Variants in REPIN1 observed in about 807,000 individuals in gnomAD.
The protein encoded by REPIN1 is replication initiator 1.
REPIN1 carries 4 observed loss-of-function variants against 5.7 expected under a neutral mutation model. The observed-to-expected ratio is 0.71, with a 90% CI of 0.35 to 1.62. The LOEUF (loss-of-function observed/expected upper bound fraction) is 1.62. Ranked by LOEUF, REPIN1 falls within the 40% of genes most tolerant of loss-of-function variation. The pLI is 0.05. For missense variants in REPIN1, 854 were observed against 901.0 expected (o/e 0.95, Z 0.67); for synonymous variants, 410 against 386.2 (o/e 1.06, Z -0.72).
chr7:150,369,996 G>T, intron 2 of REPIN1, 128 bp downstream of exon 2: 1 of 1,099,242 alleles, frequency 9.1e-7, no homozygotes. Context: ...GTCTGACACT[G>T]GGAATGAGTG....
chr7:150,373,391 T>C lies in REPIN1; in HGVS notation c.*446T>C, dbSNP rs551884072. 1 of 188,256 alleles carries C rather than the reference T, an allele frequency of 5.3e-6. No homozygotes were observed. Among genetic ancestry groups the C allele is most frequent in the South Asian group, 1.3e-4 (1 of 7,670 alleles). The allele number at this position is 188,256 out of a possible 1,614,324, so 11.7% of individuals were successfully genotyped here. ...CTGTAAATGAATGCTCTGGGCTAGATACAGCTTGGAGAACCTGCTGGCCTT... is the reference window on the plus strand; with the variant it reads ...CTGTAAATGAATGCTCTGGGCTAGACACAGCTTGGAGAACCTGCTGGCCTT... On this transcript the variant is annotated 3_prime_UTR_variant, in exon 3 of 3. Transcript: ENST00000489432.
upstream of REPIN1, chr7:150,368,288 T>G (rs1056429125): frequency 6.6e-6 from 1 of 152,160 alleles, no homozygotes; most frequent in African/African-American, 2.4e-5. Flanking sequence ...GTGCTCCACT[T>G]TGGAACAAAT....
In REPIN1 at chr7:150,371,512, G is replaced by A. The variant is rs760774855; in HGVS notation, c.442G>A (p.Gly148Ser). Residue 148 changes from glycine (G) to serine (S), a missense_variant, in exon 3 of 3, where the codon GGC becomes AGC. Physicochemically the swap from Gly to Ser is moderately conservative, Grantham distance 56 (BLOSUM62 0). Transcript: ENST00000489432. The part of the protein sequence containing the change: ...ARLPLPCPEC[G>S]RRFRHAPFLA... ...GCTGCCCTTGCCCTGCCCTGAGTGT[G>A]GCCGTCGCTTTCGCCATGCCCCCTT... 2 of 1,606,448 alleles carry A rather than the reference G, an allele frequency of 1.2e-6. No individual in the cohort carries two copies. The highest frequency in any genetic ancestry group is 1.7e-6 in the Non-Finnish European group (2 of 1,179,706).
rs773876391 is a variant in REPIN1, at chr7:150,369,723, G to A, written c.12G>A (p.Gly4=). ...GTCTGAGCTCTGCCATGGGGATAGG[G>A]GTGTCTTTATTACTGCAGTTTTCTC... MGI[G]VSLLLQFSLT... The change falls in exon 2 of 3, where the codon GGG becomes GGA. Residue 4 remains glycine (G), a synonymous_variant. Coordinates refer to ENST00000489432, the MANE Select transcript of REPIN1 (RefSeq NM_001099695.2). The A allele has an allele frequency of 8.1e-6, 13 of 1,613,840 alleles. No homozygotes were observed. Among genetic ancestry groups the A allele is most frequent in the Non-Finnish European group, 1.1e-5 (13 of 1,179,870 alleles).
Position 150,372,498 on chromosome 7 carries a change from GGCGCACTCGCGC to G in REPIN1, c.1430_1441del (p.Ala477_Arg480del), listed in dbSNP as rs1351459179. On this transcript the variant is annotated inframe_deletion, in exon 3 of 3. Coordinates refer to ENST00000489432, the MANE Select transcript of REPIN1 (RefSeq NM_001099695.2). Reference sequence around the variant, plus strand: ...ACTTCGGCAAGAAGACGCACCTGGTGGCGCACTCGCGCGTGCACTCCGGCGAGCGGCCCTTCG... The same window carrying G: ...ACTTCGGCAAGAAGACGCACCTGGTGGTGCACTCCGGCGAGCGGCCCTTCG... 1 of 1,546,098 alleles carries G rather than the reference GGCGCACTCGCGC, an allele frequency of 6.5e-7. No individual in the cohort carries two copies. Among genetic ancestry groups the G allele is most frequent in the Admixed American group, 1.9e-5 (1 of 51,590 alleles).
At chr7:150,369,010 G>T in intron 1 of REPIN1, 69 bp downstream of exon 1, 2 of 347,450 alleles carry the variant, frequency 5.8e-6, no homozygotes, top group South Asian at 2.8e-4. Context: ...CGGGGCGCGT[G>T]ACCGTGAGTG....
chr7:150,369,910 CAG>C (rs748109082), intron 2 of REPIN1, 42 bp downstream of exon 2: 447 of 1,544,430 alleles, frequency 2.9e-4, no homozygotes, highest in Non-Finnish European at 3.8e-4. Flanking sequence ...CACGCCACAA[CAG>C]GGGTGCACGG....
intron 2 of REPIN1, 69 bp downstream of exon 2, chr7:150,369,937 G>A: frequency 6.6e-7 from 1 of 1,515,508 alleles, no homozygotes; most frequent in Non-Finnish European, 8.9e-7. Context: ...CCCCATCCCG[G>A]CGGAAGGAAA....
chr7:150,372,165 G>A lies in REPIN1; in HGVS notation c.1095G>A (p.Leu365=), dbSNP rs769242920. Residue 365 remains leucine (L), a synonymous_variant, in exon 3 of 3, where the codon CTG becomes CTA. Coordinates refer to ENST00000489432, the MANE Select transcript of REPIN1 (RefSeq NM_001099695.2). Reference sequence around the variant, plus strand: ...GCTTCCGGCACAAACCCAACCTGCTGTCTCACAGCAAGATTCACAAGCGAT... The same window carrying A: ...GCTTCCGGCACAAACCCAACCTGCTATCTCACAGCAAGATTCACAAGCGAT... ...GRRFRHKPNL[L]SHSKIHKRSE... is the part of the protein sequence containing the mutation. 6 of 1,610,772 alleles carry A rather than the reference G, an allele frequency of 3.7e-6. No individual in the cohort carries two copies. The Admixed American group carries it at 5.0e-5, about 13-fold the overall frequency.
intron 2 of REPIN1, 31 bp from the exon 3 acceptor site, chr7:150,371,197 C>G (rs773052687): frequency 1.3e-6 from 2 of 1,537,352 alleles, no homozygotes; most frequent in Admixed American, 2.0e-5. Context: ...GTGAGTTGGT[C>G]TCTGGAGTGA....
chr7:150,373,314 CTT>C lies in REPIN1; in HGVS notation c.*372_*373del, dbSNP rs1800093720. The C allele has an allele frequency of 3.6e-6, 1 of 279,480 alleles. No homozygotes were observed. The highest frequency in any genetic ancestry group is 7.2e-6 in the Non-Finnish European group (1 of 138,212). The allele number at this position is 279,480 out of a possible 1,614,324, so 17.3% of individuals were successfully genotyped here. On this transcript the variant is annotated 3_prime_UTR_variant, in exon 3 of 3. Coordinates refer to ENST00000489432, the MANE Select transcript of REPIN1 (RefSeq NM_001099695.2). Reference sequence around the variant, plus strand: ...GGTATTAACGCCTTAATGCCCCTGTCTTTTACTGTAAGTTACTTAAGATCATT... The same window carrying C: ...GGTATTAACGCCTTAATGCCCCTGTCTTACTGTAAGTTACTTAAGATCATT...
Position 150,372,593 on chromosome 7 carries a change from G to GCGACCACGCCCCCGATCGGCC in REPIN1, c.1525_1545dup (p.Asp509_Pro515dup). 6.2e-7 allele frequency: 1 copy of GCGACCACGCCCCCGATCGGCC among 1,605,198 alleles called. No individual in the cohort carries two copies. Among genetic ancestry groups the GCGACCACGCCCCCGATCGGCC allele is most frequent in the Non-Finnish European group, 8.5e-7 (1 of 1,177,982 alleles). On this transcript the variant is annotated inframe_insertion, in exon 3 of 3. Coordinates refer to ENST00000489432, the MANE Select transcript of REPIN1 (RefSeq NM_001099695.2). ...GGCAGCCATCTGGCGGCGCATCGGC[G>GCGACCACGCCCCCGATCGGCC]CGACCACGCCCCCGATCGGCCCTTC...
In REPIN1 at chr7:150,368,834, G is replaced by C. The variant is rs1192745954; in HGVS notation, c.-149G>C. 1 of 319,784 alleles carries C rather than the reference G, an allele frequency of 3.1e-6. No homozygotes were observed. Among genetic ancestry groups the C allele is most frequent in the South Asian group, 1.6e-4 (1 of 6,322 alleles). 19.8% of individuals were successfully genotyped at this position (319,784 alleles called of 1,614,324 possible). On this transcript the variant is annotated 5_prime_UTR_variant, in exon 1 of 3. Coordinates refer to ENST00000489432, the MANE Select transcript of REPIN1 (RefSeq NM_001099695.2). Reference sequence around the variant, plus strand: ...GGACGGGCCTGGCAGTTGTGAACTCGAACCTGCCGCTGTCGCCGCGGCGGG... The same window carrying C: ...GGACGGGCCTGGCAGTTGTGAACTCCAACCTGCCGCTGTCGCCGCGGCGGG...
At position 150,369,777 on chromosome 7, in the gene REPIN1, C is replaced by G; in HGVS notation, c.66C>G (p.Gly22=). 6.2e-7 allele frequency: 1 copy of G among 1,613,842 alleles called. No homozygotes were observed. Among genetic ancestry groups the G allele is most frequent in the East Asian group, 2.2e-5 (1 of 44,882 alleles). ...SLTPGGYRSV[G]RSRRCSRGSI... is the part of the protein sequence containing the mutation. Reference sequence around the variant, plus strand: ...CACCTGGGGGCTACCGGAGTGTGGGCCGAAGCAGGCGCTGCAGCCGCGGAA... The same window carrying G: ...CACCTGGGGGCTACCGGAGTGTGGGGCGAAGCAGGCGCTGCAGCCGCGGAA... The change falls in exon 2 of 3, where the codon GGC becomes GGG. Residue 22 remains glycine (G), a synonymous_variant. Coordinates refer to ENST00000489432, the MANE Select transcript of REPIN1 (RefSeq NM_001099695.2).
At chr7:150,369,067 CG>C in intron 1 of REPIN1, 126 bp downstream of exon 1, 3 of 232,528 alleles carry the variant, frequency 1.3e-5, no homozygotes, top group East Asian at 5.5e-5. Context: ...GCTGGATCTG[CG>C]GGGGTGGGGG....
At position 150,372,351 on chromosome 7, in the gene REPIN1, C is replaced by T; in HGVS notation, c.1281C>T (p.Ala427=). ...PPEHPQDPIE[A]PPSLYSCDDC... is the part of the protein sequence containing the mutation. ...AGCACCCGCAGGACCCGATCGAAGC[C>T]CCCCCCTCCCTCTACAGCTGCGACG... Residue 427 remains alanine, a synonymous_variant, in exon 3 of 3, where the codon GCC becomes GCT. Coordinates refer to ENST00000489432, the MANE Select transcript of REPIN1 (RefSeq NM_001099695.2). 2 of 1,506,962 alleles carry T rather than the reference C, an allele frequency of 1.3e-6. No individual in the cohort carries two copies. Among genetic ancestry groups the T allele is most frequent in the East Asian group, 2.5e-5 (1 of 39,786 alleles). The allele number at this position is 1,506,962 out of a possible 1,614,324, so 93.3% of individuals were successfully genotyped here.
rs752443165 is a variant in REPIN1, at chr7:150,372,513, G to A, written c.1443G>A (p.Val481=). ...CGCACCTGGTGGCGCACTCGCGCGTGCACTCCGGCGAGCGGCCCTTCGCCT... is the reference window on the plus strand; with the variant it reads ...CGCACCTGGTGGCGCACTCGCGCGTACACTCCGGCGAGCGGCCCTTCGCCT... The part of the protein sequence containing the change: ...KKTHLVAHSR[V]HSGERPFACE... The change falls in exon 3 of 3, where the codon GTG becomes GTA. Residue 481 remains valine, a synonymous_variant. Transcript: ENST00000489432. The A allele has an allele frequency of 6.4e-7, 1 of 1,552,178 alleles. No individual in the cohort carries two copies. Among genetic ancestry groups the A allele is most frequent in the East Asian group, 2.3e-5 (1 of 42,960 alleles).
rs769853114 is a variant in REPIN1, at chr7:150,371,490, G to A, written c.420G>A (p.Leu140=). The part of the protein sequence containing the change: ...WLHTRRCQAR[L]PLPCPECGRR... ...ACACCCGCCGGTGCCAGGCCCGGCT[G>A]CCCTTGCCCTGCCCTGAGTGTGGCC... The change falls in exon 3 of 3, where the codon CTG becomes CTA. Residue 140 remains leucine (L), a synonymous_variant. Coordinates refer to ENST00000489432, the MANE Select transcript of REPIN1 (RefSeq NM_001099695.2). 2 of 1,607,030 alleles carry A rather than the reference G, an allele frequency of 1.2e-6. No homozygotes were observed. The highest frequency in any genetic ancestry group is 2.2e-5 in the South Asian group (2 of 90,994).
At chr7:150,370,037 G>A (rs759528028) in intron 2 of REPIN1, 169 bp downstream of exon 2, 2 of 790,326 alleles carry the variant, frequency 2.5e-6, no homozygotes, top group Non-Finnish European at 3.8e-6. Flanking sequence ...GAGAGAGTGC[G>A]CTCTAGGGAA....
Sources: gnomAD v4.1 joint callset for allele counts on GRCh38, gnomAD v4.1.1 for gene constraint, MANE v1.5 for transcripts, NCBI Gene and HGNC (gene_info 2026-07-23, HGNC 2026-07-21) for gene names.